Variants in ATL2 observed in about 807,000 individuals in gnomAD.
The protein encoded by ATL2 is atlastin-2.
In ATL2, 31 loss-of-function variants were observed where a neutral mutation model predicts 73.9. The observed-to-expected ratio is 0.42, with a 90% CI of 0.32 to 0.57. The LOEUF (loss-of-function observed/expected upper bound fraction) is 0.57, where lower values mean the gene tolerates loss of function less well. ATL2 is among the 20% of genes least tolerant of loss of function. The pLI is 0.14. For synonymous variants in ATL2, 291 were observed against 237.5 expected (o/e 1.23, Z -2.07); for missense variants, 738 against 702.6 (o/e 1.05, Z -0.57).
At chr2:38,344,714 C>T (rs1215605892) in intron 1 of ATL2, among the ~76,000 whole-genome samples, 2 of 152,138 alleles carry the variant, frequency 1.3e-5, no homozygotes, top group Non-Finnish European at 2.9e-5. Flanking sequence ...TACAATGAGT[C>T]CCTAATTTAA....
chr2:38,372,100 G>C (rs998262168), intron 1 of ATL2, among the ~76,000 whole-genome samples: 8 of 145,196 alleles, frequency 5.5e-5, no homozygotes, highest in Non-Finnish European at 1.2e-4. Flanking sequence ...GAGATTCACT[G>C]TTAGTATGGT....
At chr2:38,304,986 TG>T (rs1332181886) in intron 9 of ATL2, among the ~76,000 whole-genome samples, 2 of 151,980 alleles carry the variant, frequency 1.3e-5, no homozygotes, top group Non-Finnish European at 2.9e-5. Context: ...AGTGGCTGAA[TG>T]GGTTTTAAAA....
intron 1 of ATL2, among the ~76,000 whole-genome samples, chr2:38,353,807 A>T (rs995270862): frequency 2.6e-5 from 4 of 152,238 alleles, no homozygotes; most frequent in Non-Finnish European, 4.4e-5. Flanking sequence ...AGGGATTGAT[A>T]GCTTTAGAGT....
intron 1 of ATL2, among the ~76,000 whole-genome samples, chr2:38,365,168 TACAC>T (rs143111604): frequency 2.1e-3 from 285 of 135,366 alleles, no homozygotes; most frequent in East Asian, 7.9e-3. Context: ...CACACACAAA[TACAC>T]ACACACACAC....
chr2:38,325,438 C>A (rs1451050001), intron 2 of ATL2, among the ~76,000 whole-genome samples: 1 of 151,954 alleles, frequency 6.6e-6, no homozygotes. Context: ...CTAGTTTAAG[C>A]ACTAAAAACC....
In ATL2 at chr2:38,367,603, A is replaced by C. The variant is rs1425532683; in HGVS notation, c.118+9540T>G. Among the ~76,000 whole-genome samples, 4 of 141,368 alleles carry C rather than the reference A, an allele frequency of 2.8e-5. 1 individual carries two copies. The highest frequency in any genetic ancestry group is 1.2e-4 in the African/African-American group (4 of 34,072). 92.7% of individuals were successfully genotyped at this position (141,368 alleles called of 152,430 possible). On this transcript the variant is annotated intron_variant, in intron 1 of 12. Coordinates refer to ENST00000378954, the MANE Select transcript of ATL2 (RefSeq NM_001135673.4). ...GAGCAAGAATCCATCTCAAAAAAAA[A>C]AAAAAAAAAAAAACCGCCCATTTAA...
intron 7 of ATL2, among the ~76,000 whole-genome samples, chr2:38,311,849 A>G (rs1255955191): frequency 1.3e-5 from 2 of 152,256 alleles, no homozygotes; most frequent in Non-Finnish European, 2.9e-5. Flanking sequence ...TTTGAGTTAC[A>G]TAATTCTGAG....
At chr2:38,337,494 A>G in intron 2 of ATL2, among the ~76,000 whole-genome samples, 1 of 138,740 alleles carries the variant, frequency 7.2e-6, no homozygotes, top group East Asian at 2.0e-4. Flanking sequence ...TCCAAAAAAA[A>G]AAAAAAAAAA....
chr2:38,323,573 T>G (rs2148445540), intron 2 of ATL2, among the ~76,000 whole-genome samples: 1 of 152,040 alleles, frequency 6.6e-6, no homozygotes, highest in African/African-American at 2.4e-5. Context: ...CATAATATAA[T>G]TATCAGCAAT....
intron 11 of ATL2, among the ~76,000 whole-genome samples, chr2:38,298,897 A>C (rs1458121796): frequency 2.0e-5 from 3 of 152,210 alleles, no homozygotes; most frequent in Non-Finnish European, 4.4e-5. Flanking sequence ...GTAAAAGATG[A>C]TAATGCCCCA....
At chr2:38,365,152 C>G (rs10204082) in intron 1 of ATL2, among the ~76,000 whole-genome samples, 169 of 148,716 alleles carry the variant, frequency 1.1e-3, no homozygotes, top group African/African-American at 4.2e-3. Flanking sequence ...CACACACACA[C>G]ACACACACAC....
intron 1 of ATL2, among the ~76,000 whole-genome samples, chr2:38,366,142 ACT>A (rs1243324611): frequency 1.3e-5 from 2 of 151,616 alleles, no homozygotes. Context: ...TTCGCACTAT[ACT>A]CTCCTTTTGT....
At chr2:38,296,636 G>A (rs192994030) in intron 12 of ATL2, 156 of 1,602,132 alleles carry the variant, frequency 9.7e-5, no homozygotes, top group South Asian at 2.8e-4. Flanking sequence ...AGAGTGCCTC[G>A]AAGCTAAAGA....
chr2:38,313,354 A>C, intron 6 of ATL2, 111 bp from the exon 7 acceptor site: 1 of 755,568 alleles, frequency 1.3e-6, no homozygotes, highest in Non-Finnish European at 2.1e-6. Context: ...AATCCTTATC[A>C]AAAGTTATAG....
Position 38,309,481 on chromosome 2 carries a change from C to T in ATL2, c.969G>A (p.Glu323=). The change falls in exon 9 of 13, where the codon GAG becomes GAA. Residue 323 remains glutamate (E), a synonymous_variant. Transcript: ENST00000378954. Reference sequence around the variant, plus strand: ...GCAGCAATGGAACCAGATTTCGAAGCTCTCGTTTAAAGTCTTCATCAATAT... The same window carrying T: ...GCAGCAATGGAACCAGATTTCGAAGTTCTCGTTTAAAGTCTTCATCAATAT... ...LKDIDEDFKR[E]LRNLVPLLLA... 1 of 1,612,478 alleles carries T rather than the reference C, an allele frequency of 6.2e-7. No individual in the cohort carries two copies. Among genetic ancestry groups the T allele is most frequent in the Non-Finnish European group, 8.5e-7 (1 of 1,179,636 alleles).
intron 3 of ATL2, 98 bp from the exon 4 acceptor site, chr2:38,318,737 A>G: frequency 7.5e-7 from 1 of 1,330,346 alleles, no homozygotes; most frequent in Non-Finnish European, 1.0e-6. Flanking sequence ...AATTAAATCA[A>G]GAAAAGTACT....
chr2:38,314,560 A>G (rs749263428), intron 6 of ATL2, 48 bp downstream of exon 6: 5 of 1,400,334 alleles, frequency 3.6e-6, no homozygotes, highest in Non-Finnish European at 5.0e-6. Flanking sequence ...AGGTGGCTTC[A>G]CAACTTCTCA....
At chr2:38,313,769 T>C (rs901363190) in intron 6 of ATL2, among the ~76,000 whole-genome samples, 1 of 152,180 alleles carries the variant, frequency 6.6e-6, no homozygotes, top group Non-Finnish European at 1.5e-5. Flanking sequence ...TTGTAGAACG[T>C]TGAACCATAT....
chr2:38,338,963 C>A (rs1669534531), intron 2 of ATL2, among the ~76,000 whole-genome samples: 1 of 152,160 alleles, frequency 6.6e-6, no homozygotes, highest in East Asian at 1.9e-4. Context: ...ACCTTTAATA[C>A]CAGCACTTTG....
Sources: allele counts gnomAD v4.1 joint callset (sites outside exome capture counted in the v4.1 genomes callset), GRCh38; gene constraint gnomAD v4.1.1; transcripts MANE v1.5; gene names NCBI Gene and HGNC (gene_info 2026-07-23, HGNC 2026-07-21).